The following CLINT1 variants were observed in gnomAD, a reference collection of about 807,000 sequenced individuals.
The protein encoded by CLINT1 is clathrin interacting protein localized in the trans-Golgi region.
In CLINT1, 15 loss-of-function variants were observed where a neutral mutation model predicts 70.4. That is an observed-to-expected ratio of 0.21 (90% CI 0.14 to 0.33). The LOEUF is 0.33. Ranked by LOEUF, CLINT1 falls within the 10% of genes least tolerant of loss-of-function variation. The probability of loss-of-function intolerance (pLI) is 1.00; values close to 1 mark genes in which losing one functional copy is unlikely to be tolerated. For missense variants in CLINT1, 615 were observed against 778.1 expected (o/e 0.79, Z 2.49); for synonymous variants, 227 against 254.7 (o/e 0.89, Z 1.04).
rs1761716693 is a variant in CLINT1 at position 157,785,997 on chromosome 5, C to T, written c.*1649G>A. Reference sequence around the variant, plus strand: ...CCGCAGTCAGCTAATTACACTCACTCTCATCTCTTATTCAGCAAATGAATC... The same window carrying T: ...CCGCAGTCAGCTAATTACACTCACTTTCATCTCTTATTCAGCAAATGAATC... On this transcript the variant is annotated 3_prime_UTR_variant, in exon 12 of 12. Coordinates refer to ENST00000411809, the MANE Select transcript of CLINT1 (RefSeq NM_014666.4). The T allele has an allele frequency of 1.3e-5, 2 of 152,212 alleles. No individual in the cohort carries two copies. Among genetic ancestry groups the T allele is most frequent in the South Asian group, 4.1e-4 (2 of 4,834 alleles). The allele number at this position is 152,212 out of a possible 1,614,324, so 9.4% of individuals were successfully genotyped here.
rs1178560766 is a variant in CLINT1 at position 157,803,696 on chromosome 5, T to C, written c.966A>G (p.Ser322=). 1 of 1,560,146 alleles carries C rather than the reference T, an allele frequency of 6.4e-7. No individual in the cohort carries two copies. Among genetic ancestry groups the C allele is most frequent in the Non-Finnish European group, 8.7e-7 (1 of 1,145,638 alleles). ...SVKTSVPSSK[S]SGDLVDLFDG... The stretch of plus-strand genomic sequence containing the variant: ...CAAACAGATCAACAAGGTCACCAGA[T>C]GACTTGCTGCTAGGCACTGAAGTCT... Residue 322 remains serine, a synonymous_variant, in exon 8 of 12, where the codon TCA becomes TCG. Transcript: ENST00000411809.
At chr5:157,844,343 A>G (rs1011510263) in intron 1 of CLINT1, among the ~76,000 whole-genome samples, 1 of 152,212 alleles carries the variant, frequency 6.6e-6, no homozygotes, top group Non-Finnish European at 1.5e-5. Context: ...AGCTTCTAAG[A>G]AAGTACTCAC....
intron 1 of CLINT1, among the ~76,000 whole-genome samples, chr5:157,848,951 T>G (rs937535053): frequency 5.3e-5 from 8 of 152,052 alleles, no homozygotes; most frequent in African/African-American, 1.7e-4. Context: ...TGTAAGCTAT[T>G]GTGCCTGGCC....
In CLINT1 at chr5:157,805,955, T is replaced by C. The variant is rs771121271; in HGVS notation, c.853A>G (p.Ile285Val). The C allele has an allele frequency of 1.9e-6, 3 of 1,613,840 alleles. No homozygotes were observed. The highest frequency in any genetic ancestry group is 2.7e-5 in the African/African-American group (2 of 74,920). ...TAATGTGCTGCTGCTCCAAGATCAA[T>C]GGTTTTGGAAGGATTTGCTGTGCGC... ...HKRTANPSKTIDLGAAAHYTG... is the reference protein window; with the variant it reads ...HKRTANPSKTVDLGAAAHYTG... Residue 285 changes from isoleucine (I) to valine (V), a missense_variant, in exon 7 of 12, where the codon ATT (isoleucine) becomes GTT (valine). Physicochemically the swap from Ile to Val is conservative, Grantham distance 29. This residue lies in a region of CLINT1 where 241 missense variants were observed against 368.6 expected (regional missense o/e 0.65). Coordinates refer to ENST00000411809, the MANE Select transcript of CLINT1 (RefSeq NM_014666.4).
chr5:157,817,620 A>G (rs1762762425), intron 1 of CLINT1, 73 bp from the exon 2 acceptor site: 1 of 971,048 alleles, frequency 1.0e-6, no homozygotes, highest in African/African-American at 1.6e-5. Context: ...TGAAAACTTA[A>G]TAATGACACT....
chr5:157,797,468 C>T (rs1762101767), intron 8 of CLINT1, among the ~76,000 whole-genome samples: 1 of 152,188 alleles, frequency 6.6e-6, no homozygotes. Flanking sequence ...TCACTGCAAC[C>T]TCCGCCTGCC....
At chr5:157,815,030 CAAA>C (rs572736166) in intron 3 of CLINT1, among the ~76,000 whole-genome samples, 6 of 51,638 alleles carry the variant, frequency 1.2e-4, no homozygotes, top group Admixed American at 2.3e-4. Context: ...AACTCTGTCT[CAAA>C]AAAAAAAAAA....
intron 1 of CLINT1, among the ~76,000 whole-genome samples, chr5:157,838,591 G>C (rs543082891): frequency 6.6e-6 from 1 of 152,252 alleles, no homozygotes; most frequent in East Asian, 1.9e-4. Flanking sequence ...GCAAAATAAA[G>C]TGCCAGCATT....
At chr5:157,829,900 T>C (rs1432332675) in intron 1 of CLINT1, among the ~76,000 whole-genome samples, 2 of 152,030 alleles carry the variant, frequency 1.3e-5, no homozygotes, top group Non-Finnish European at 2.9e-5. Flanking sequence ...GAACATCTTG[T>C]TAGTATCCCA....
At chr5:157,845,301 A>G (rs1753331770) in intron 1 of CLINT1, among the ~76,000 whole-genome samples, 3 of 152,032 alleles carry the variant, frequency 2.0e-5, no homozygotes, top group Non-Finnish European at 4.4e-5. Flanking sequence ...GTGAGCCGAG[A>G]TCATGCCACT....
At chr5:157,857,207 A>G (rs1231775257) in intron 1 of CLINT1, among the ~76,000 whole-genome samples, 1 of 142,534 alleles carries the variant, frequency 7.0e-6, no homozygotes, top group Non-Finnish European at 1.5e-5. Flanking sequence ...TGAACACACA[A>G]AAGAATGAGA....
intron 1 of CLINT1, among the ~76,000 whole-genome samples, chr5:157,838,121 TG>T (rs1283306179): frequency 1.4e-5 from 2 of 138,942 alleles, no homozygotes; most frequent in South Asian, 2.4e-4. Flanking sequence ...AAGGTTTTTT[TG>T]TTTTTTTTTT....
chr5:157,788,500 A>G lies in CLINT1; in HGVS notation c.1532-508T>C, dbSNP rs535959924. Among the ~76,000 whole-genome samples, 6 of 152,356 alleles carry G rather than the reference A, an allele frequency of 3.9e-5. No homozygotes were observed. The South Asian group carries it at 1.0e-3, about 26-fold the overall frequency. On this transcript the variant is annotated intron_variant, in intron 11 of 11. Coordinates refer to ENST00000411809, the MANE Select transcript of CLINT1 (RefSeq NM_014666.4). ...ACAAAATCTTGATTTATAATAACAA[A>G]TAGCTGGAAACAATTGAAATAATTA... is the stretch of plus-strand genomic sequence containing the variant.
intron 11 of CLINT1, 47 bp from the exon 12 acceptor site, chr5:157,788,039 A>T (rs1009458004): frequency 7.0e-7 from 1 of 1,437,258 alleles, no homozygotes; most frequent in Non-Finnish European, 9.6e-7. Context: ...ATAAATTTTT[A>T]GGTTCATAGA....
At chr5:157,815,158 G>A (rs1219501992) in intron 3 of CLINT1, among the ~76,000 whole-genome samples, 1 of 146,280 alleles carries the variant, frequency 6.8e-6, no homozygotes, top group Non-Finnish European at 1.5e-5. Flanking sequence ...CAAATAGCTG[G>A]GTATTGTGGC....
intron 1 of CLINT1, among the ~76,000 whole-genome samples, chr5:157,851,686 C>CAA (rs34229522): frequency 0.02 from 1,804 of 88,822 alleles, 55 homozygotes; most frequent in African/African-American, 0.065. Context: ...GACCCCGTCT[C>CAA]AAAAAAAAAA....
At chr5:157,791,180 T>C (rs973635249) in intron 10 of CLINT1, among the ~76,000 whole-genome samples, 1 of 152,132 alleles carries the variant, frequency 6.6e-6, no homozygotes, top group Non-Finnish European at 1.5e-5. Flanking sequence ...TGACTCAGCC[T>C]CCCAAGTAGC....
chr5:157,824,608 A>T (rs1762976697), intron 1 of CLINT1, among the ~76,000 whole-genome samples: 1 of 152,244 alleles, frequency 6.6e-6, no homozygotes, highest in South Asian at 2.1e-4. Context: ...TATAGTAAAC[A>T]TGTTATAAAA....
intron 1 of CLINT1, among the ~76,000 whole-genome samples, chr5:157,837,878 G>A (rs1342829517): frequency 2.6e-5 from 4 of 151,624 alleles, no homozygotes; most frequent in Non-Finnish European, 2.9e-5. Flanking sequence ...TCTTGACCTC[G>A]TGATCCACCA....
Sources: allele counts gnomAD v4.1 joint callset (sites outside exome capture counted in the v4.1 genomes callset), GRCh38; gene constraint gnomAD v4.1.1; regional missense constraint gnomAD v4.1.1; transcripts MANE v1.5; gene names NCBI Gene and HGNC (gene_info 2026-07-23, HGNC 2026-07-21).